Variants in PAK4 observed in about 807,000 individuals in gnomAD.
PAK4 encodes p21 (RAC1) activated kinase 4.
PAK4 carries 49 observed loss-of-function variants against 53.5 expected under a neutral mutation model. The ratio of observed to expected loss-of-function variants is 0.92; its 90% confidence interval spans 0.73 to 1.16. The LOEUF is 1.16. PAK4 is among the 50% of genes most tolerant of loss of function. The pLI, the probability that PAK4 is intolerant of heterozygous loss-of-function variation, is 0.00. For missense variants in PAK4, 824 were observed against 850.7 expected (o/e 0.97, Z 0.39); for synonymous variants, 376 against 375.6 (o/e 1.00, Z -0.01).
chr19:39,169,620 A>G, exon 2 of PAK4: 2 of 1,613,772 alleles, frequency 1.2e-6, no homozygotes, highest in South Asian at 1.1e-5. Flanking sequence ...CCGCGTGCAC[A>G]CGGGCTTCGA....
intron 2 of PAK4, among the ~76,000 whole-genome samples, chr19:39,172,637 G>T (rs1200380837): frequency 6.6e-6 from 1 of 152,132 alleles, no homozygotes; most frequent in Non-Finnish European, 1.5e-5. Flanking sequence ...TTCCACCAGT[G>T]TGAGGAACAG....
At chr19:39,128,672 A>G (rs1287726270) in intron 1 of PAK4, among the ~76,000 whole-genome samples, 1 of 152,236 alleles carries the variant, frequency 6.6e-6, no homozygotes, top group African/African-American at 2.4e-5. Flanking sequence ...GGCCTGGGAC[A>G]GAACACACCG....
chr19:39,177,234 G>C (rs777883252), intron 7 of PAK4, among the ~76,000 whole-genome samples: 1 of 152,180 alleles, frequency 6.6e-6, no homozygotes, highest in African/African-American at 2.4e-5. Context: ...AGCTGGTCCC[G>C]GCAGCTCTGG....
Position 39,178,105 on chromosome 19 carries a change from G to A in PAK4, c.1620+296G>A, listed in dbSNP as rs532610731. On this transcript the variant is annotated intron_variant, in intron 8 of 8. Coordinates refer to ENST00000358301, the Ensembl canonical transcript of PAK4. This position sits in a 1 kb window ranked among gnomAD's most constrained non-coding sequence, Gnocchi z 4.4. ...GGAGGACAGGGCCGGGACCTTCCTA[G>A]TGGAGGACTTGCCAGGAGGGAAAGG... Among the ~76,000 whole-genome samples, 1 of 152,130 alleles carries A rather than the reference G, an allele frequency of 6.6e-6. No homozygotes were observed. The highest frequency in any genetic ancestry group is 2.4e-5 in the African/African-American group (1 of 41,402).
At chr19:39,128,036 T>C (rs1157479032) in intron 1 of PAK4, among the ~76,000 whole-genome samples, 2 of 152,156 alleles carry the variant, frequency 1.3e-5, no homozygotes, top group African/African-American at 4.8e-5. Context: ...TACCTGTATG[T>C]GTGGAGCTGC....
At chr19:39,169,387 C>T in intron 1 of PAK4, 145 bp from the exon 3 acceptor site, 1 of 647,252 alleles carries the variant, frequency 1.5e-6, no homozygotes, top group Non-Finnish European at 2.8e-6. Flanking sequence ...CAGATGGGCG[C>T]AGGGGGTGGG....
intron 1 of PAK4, among the ~76,000 whole-genome samples, chr19:39,140,041 G>A (rs2073884664): frequency 2.0e-5 from 3 of 152,240 alleles, no homozygotes; most frequent in East Asian, 1.9e-4. Context: ...AGAAGGCCTC[G>A]AGCTTGGCGA....
chr19:39,136,643 C>T (rs1049278640), intron 1 of PAK4, among the ~76,000 whole-genome samples: 5 of 152,180 alleles, frequency 3.3e-5, no homozygotes, highest in Admixed American at 6.5e-5. Context: ...TTTTGTCTCC[C>T]GGCATAACGT....
intron 7 of PAK4, among the ~76,000 whole-genome samples, 174 bp downstream of exon 8, chr19:39,176,889 G>A (rs1293292745): frequency 2.7e-5 from 4 of 150,856 alleles, no homozygotes; most frequent in Admixed American, 2.0e-4. Flanking sequence ...TTTTTTTTGA[G>A]ATGGAGTCTC....
intron 7 of PAK4, among the ~76,000 whole-genome samples, chr19:39,177,015 C>T (rs1213447298): frequency 1.3e-5 from 2 of 152,098 alleles, no homozygotes; most frequent in Admixed American, 6.6e-5. Context: ...TTTACAGGCA[C>T]CCGCCACCAT....
intron 7 of PAK4, 38 bp from the exon 9 acceptor site, chr19:39,177,637 C>T (rs1378055548): frequency 5.0e-6 from 8 of 1,592,310 alleles, no homozygotes; most frequent in Non-Finnish European, 6.9e-6. Context: ...CCACCATCCC[C>T]CAACAGCTCA....
At chr19:39,170,510 T>C (rs920718665) in intron 2 of PAK4, among the ~76,000 whole-genome samples, 1 of 152,164 alleles carries the variant, frequency 6.6e-6, no homozygotes, top group Non-Finnish European at 1.5e-5. Flanking sequence ...TGGCCTGGCA[T>C]GAGGCTGGCC....
chr19:39,143,049 G>A (rs760559444), intron 1 of PAK4, among the ~76,000 whole-genome samples: 7 of 152,100 alleles, frequency 4.6e-5, no homozygotes, highest in African/African-American at 1.4e-4. Flanking sequence ...CCTGTATCCC[G>A]TCTTTGCTCA....
chr19:39,176,812 G>A, intron 7 of PAK4, 97 bp downstream of exon 8: 1 of 1,430,036 alleles, frequency 7.0e-7, no homozygotes, highest in Non-Finnish European at 9.6e-7. Flanking sequence ...AGTCTGGGGA[G>A]TCATTGCCAG....
chr19:39,144,377 T>C (rs2073966258), intron 1 of PAK4, among the ~76,000 whole-genome samples: 1 of 152,184 alleles, frequency 6.6e-6, no homozygotes, highest in Admixed American at 6.5e-5. Context: ...AGCCTGCACG[T>C]AACACTTTGT....
chr19:39,155,989 C>T (rs1336956845), intron 1 of PAK4, among the ~76,000 whole-genome samples: 1 of 152,066 alleles, frequency 6.6e-6, no homozygotes, highest in Non-Finnish European at 1.5e-5. Flanking sequence ...GCCAGCATGG[C>T]GTTCCACCTT....
chr19:39,158,785 C>T (rs1313419650), intron 1 of PAK4, among the ~76,000 whole-genome samples: 2 of 152,150 alleles, frequency 1.3e-5, no homozygotes, highest in Admixed American at 6.5e-5. Context: ...CCTGGGTCTC[C>T]CAGTCCAGTG....
chr19:39,165,684 T>G (rs1000761898), intron 1 of PAK4, among the ~76,000 whole-genome samples: 1 of 152,202 alleles, frequency 6.6e-6, no homozygotes, highest in Admixed American at 6.5e-5. Context: ...TTCTCATGTC[T>G]GCCTCTCACT....
intron 2 of PAK4, among the ~76,000 whole-genome samples, chr19:39,172,291 A>G (rs915405819): frequency 1.3e-5 from 2 of 152,076 alleles, no homozygotes; most frequent in Non-Finnish European, 2.9e-5. Context: ...CCTGCAGGAC[A>G]CGACTCAGAC....
Sources: gnomAD v4.1 joint callset for allele counts (sites outside exome capture counted in the v4.1 genomes callset) on GRCh38, gnomAD v4.1.1 for gene constraint, Gnocchi (gnomAD v3.1) non-coding constraint, MANE v1.5 for transcripts, NCBI Gene and HGNC (gene_info 2026-07-23, HGNC 2026-07-21) for gene names.